The following TRIM9 variants were observed in gnomAD, a reference collection of about 807,000 sequenced individuals.
The protein encoded by TRIM9 is E3 ubiquitin-protein ligase TRIM9.
In TRIM9, 26 loss-of-function variants were observed where a neutral mutation model predicts 78.3. The observed-to-expected ratio is 0.33, with a 90% CI of 0.24 to 0.46. The LOEUF is 0.46. TRIM9 is among the 20% of genes least tolerant of loss of function. The pLI, the probability that TRIM9 is intolerant of heterozygous loss-of-function variation, is 1.00. For missense variants in TRIM9, 787 were observed against 1,036.4 expected (o/e 0.76, Z 3.30); for synonymous variants, 398 against 416.5 (o/e 0.96, Z 0.54).
chr14:50,995,110 C>T (rs927004226), intron 7 of TRIM9, among the ~76,000 whole-genome samples: 5 of 152,140 alleles, frequency 3.3e-5, no homozygotes, highest in Non-Finnish European at 5.9e-5. Context: ...TCTCAACCTC[C>T]CAAGTATCTG....
intron 1 of TRIM9, among the ~76,000 whole-genome samples, chr14:51,066,793 T>C (rs1344574764): frequency 6.6e-6 from 1 of 152,186 alleles, no homozygotes; most frequent in Admixed American, 6.5e-5. Context: ...AGCTCGGCGT[T>C]TGCCTTATTT....
chr14:51,042,702 T>G (rs2059661833), intron 1 of TRIM9, among the ~76,000 whole-genome samples: 1 of 152,152 alleles, frequency 6.6e-6, no homozygotes, highest in South Asian at 2.1e-4. Context: ...GGGAAGAGCA[T>G]CCCTCTAAGG....
chr14:51,036,037 T>C (rs2059117952), intron 1 of TRIM9, among the ~76,000 whole-genome samples: 1 of 152,164 alleles, frequency 6.6e-6, no homozygotes, highest in South Asian at 2.1e-4. Flanking sequence ...GCACTCTAGG[T>C]AAAAGCCACA....
chr14:51,082,309 C>T (rs2063373509), intron 1 of TRIM9, among the ~76,000 whole-genome samples: 1 of 152,124 alleles, frequency 6.6e-6, no homozygotes, highest in African/African-American at 2.4e-5. Context: ...TATGAATGTT[C>T]ATAACAGCAT....
chr14:51,035,747 T>C (rs903010275), intron 1 of TRIM9, among the ~76,000 whole-genome samples: 3 of 152,144 alleles, frequency 2.0e-5, no homozygotes, highest in African/African-American at 7.2e-5. Context: ...AAGGGTAGCA[T>C]GTGCAAAAAG....
At chr14:51,014,209 A>G (rs2056897458) in intron 3 of TRIM9, among the ~76,000 whole-genome samples, 2 of 152,178 alleles carry the variant, frequency 1.3e-5, no homozygotes, top group East Asian at 1.9e-4. Flanking sequence ...ATTTGCTTCT[A>G]TAAATTTCCT....
At chr14:51,058,086 C>T (rs2061030184) in intron 1 of TRIM9, among the ~76,000 whole-genome samples, 1 of 152,092 alleles carries the variant, frequency 6.6e-6, no homozygotes, top group Admixed American at 6.5e-5. Flanking sequence ...TAACTGACAG[C>T]CTATCAGTAA....
intron 1 of TRIM9, among the ~76,000 whole-genome samples, chr14:51,061,172 G>A (rs2061325093): frequency 6.6e-6 from 1 of 152,088 alleles, no homozygotes; most frequent in Non-Finnish European, 1.5e-5. Context: ...CAGCACTTTG[G>A]GAGGCCGCAG....
intron 1 of TRIM9, among the ~76,000 whole-genome samples, chr14:51,062,645 C>T (rs1425972213): frequency 6.6e-6 from 1 of 151,996 alleles, no homozygotes; most frequent in African/African-American, 2.4e-5. Flanking sequence ...ATTTATTGGC[C>T]AGTGGTGAGG....
At chr14:51,043,377 T>C (rs943041319) in intron 1 of TRIM9, among the ~76,000 whole-genome samples, 1 of 151,818 alleles carries the variant, frequency 6.6e-6, no homozygotes. Flanking sequence ...GTGGGAACAA[T>C]GAAGGGAAGA....
chr14:51,000,589 A>G, intron 6 of TRIM9, 94 bp downstream of exon 6: 1 of 1,521,412 alleles, frequency 6.6e-7, no homozygotes, highest in Non-Finnish European at 9.0e-7. Flanking sequence ...TGTCCCCAGG[A>G]GAGATGGGGA....
intron 9 of TRIM9, 109 bp from the exon 10 acceptor site, chr14:50,983,074 T>C (rs568988334): frequency 9.4e-7 from 1 of 1,066,996 alleles, no homozygotes; most frequent in South Asian, 1.4e-5. Context: ...AAGGACTCAA[T>C]TTAAAATGCC....
At chr14:51,093,983 AG>A (rs1321964751) in intron 1 of TRIM9, 134 bp downstream of exon 1, 1 of 814,698 alleles carries the variant, frequency 1.2e-6, no homozygotes, top group East Asian at 2.6e-5. Flanking sequence ...GCACCAGACC[AG>A]GGAGGTAAAC....
At chr14:51,077,500 C>G (rs1487759400) in intron 1 of TRIM9, among the ~76,000 whole-genome samples, 1 of 144,488 alleles carries the variant, frequency 6.9e-6, no homozygotes, top group African/African-American at 2.5e-5. Context: ...TCAAGCAATT[C>G]TCCTGCCTCA....
chr14:51,034,996 T>C (rs1472148160), intron 1 of TRIM9, among the ~76,000 whole-genome samples: 1 of 152,096 alleles, frequency 6.6e-6, no homozygotes, highest in African/African-American at 2.4e-5. Context: ...TGAAAGGGGG[T>C]AGTAACATAT....
At chr14:51,064,783 T>A (rs1457940513) in intron 1 of TRIM9, among the ~76,000 whole-genome samples, 1 of 152,086 alleles carries the variant, frequency 6.6e-6, no homozygotes, top group African/African-American at 2.4e-5. Context: ...TCTTTCAATA[T>A]AATGAACCAA....
intron 3 of TRIM9, among the ~76,000 whole-genome samples, chr14:51,019,450 C>G (rs1025080361): frequency 7.2e-5 from 11 of 152,160 alleles, no homozygotes; most frequent in Admixed American, 2.6e-4. Context: ...GCATATGTCT[C>G]CAAAGCTTTT....
In TRIM9 at chr14:50,985,985, T is replaced by C; in HGVS notation, c.1763A>G (p.His588Arg). ...FRSSPHQLSL[H>R]SSLQSLNAPG... is the part of the protein sequence containing the mutation. ...TGCATTGAGAGACTGTAAAGAGGAA[T>C]GCAAGCTCAGCTGGTGGGGTGAGGA... Residue 588 changes from histidine to arginine, a missense_variant, in exon 8 of 13, where the codon CAT becomes CGT. By Grantham distance (29) the His-to-Arg change is conservative (BLOSUM62 0). Around this residue, in one of 3 missense-constraint regions of TRIM9, gnomAD observed 421 missense variants for 514.3 expected, o/e 0.82. Transcript: ENST00000684578. 1 of 1,546,586 alleles carries C rather than the reference T, an allele frequency of 6.5e-7. No homozygotes were observed. The highest frequency in any genetic ancestry group is 8.7e-7 in the Non-Finnish European group (1 of 1,144,994).
At chr14:50,994,963 T>G (rs1220942603) in intron 7 of TRIM9, among the ~76,000 whole-genome samples, 7 of 152,228 alleles carry the variant, frequency 4.6e-5, no homozygotes, top group Non-Finnish European at 1.0e-4. Context: ...GGAACTTTGC[T>G]TTCAGAGAAC....
Sources: gnomAD v4.1 joint callset for allele counts (sites outside exome capture counted in the v4.1 genomes callset) on GRCh38, gnomAD v4.1.1 for gene constraint, gnomAD v4.1.1 regional missense constraint, MANE v1.5 for transcripts, NCBI Gene and HGNC (gene_info 2026-07-23, HGNC 2026-07-21) for gene names.